Variants in FARSB observed in about 807,000 individuals in gnomAD.
FARSB encodes phenylalanine--tRNA ligase beta subunit.
In FARSB, 40 loss-of-function variants were observed where a neutral mutation model predicts 69.6. The ratio of observed to expected loss-of-function variants is 0.57; its 90% CI spans 0.45 to 0.75. The LOEUF (loss-of-function observed/expected upper bound fraction) is 0.75. Ranked by LOEUF, FARSB falls within the 30% of genes least tolerant of loss-of-function variation. FARSB has a pLI of 0.00. For missense variants in FARSB, 632 were observed against 722.9 expected (o/e 0.87, Z 1.44); for synonymous variants, 235 against 247.2 (o/e 0.95, Z 0.46).
At position 222,571,940 on chromosome 2, in the gene FARSB, G is replaced by T. The variant is rs141929079; in HGVS notation, c.1701C>A (p.Asp567Glu). Residue 567 changes from aspartate (D) to glutamate (E), a missense_variant, in exon 17 of 17, where the codon GAC becomes GAA. By Grantham distance (45) the Asp-to-Glu change is conservative. Transcript: ENST00000281828. The part of the protein sequence containing the change: ...SVGKLGVLHP[D>E]VITKFELTMP... ...TGGTCAGCTCAAATTTGGTGATAAC[G>T]TCAGGATGAAGGACCCCAAGCTTCC... 3.1e-6 allele frequency: 5 copies of T among 1,613,724 alleles called. No individual in the cohort carries two copies. Among genetic ancestry groups the T allele is most frequent in the Non-Finnish European group, 4.2e-6 (5 of 1,179,794 alleles).
chr2:222,648,002 C>G (rs903629006), intron 2 of FARSB, among the ~76,000 whole-genome samples: 1 of 152,156 alleles, frequency 6.6e-6, no homozygotes, highest in African/African-American at 2.4e-5. Context: ...TGCTGCTGGC[C>G]TGCGGACTGT....
intron 15 of FARSB, among the ~76,000 whole-genome samples, chr2:222,609,150 G>A (rs1297586099): frequency 1.3e-5 from 2 of 152,066 alleles, no homozygotes; most frequent in African/African-American, 4.8e-5. Flanking sequence ...ATATACATTG[G>A]CAGCTTCAGT....
intron 3 of FARSB, 130 bp downstream of exon 3, chr2:222,642,721 C>A: frequency 1.7e-6 from 1 of 579,800 alleles, no homozygotes; most frequent in African/African-American, 1.8e-5. Context: ...CAAATCAACC[C>A]TCTATTGAGA....
At chr2:222,583,010 GA>G (rs2106181931) in intron 16 of FARSB, among the ~76,000 whole-genome samples, 1 of 151,974 alleles carries the variant, frequency 6.6e-6, no homozygotes, top group East Asian at 1.9e-4. Flanking sequence ...ACTAACACAG[GA>G]ACAGAAAACC....
At chr2:222,603,048 A>G (rs1690605064) in intron 15 of FARSB, among the ~76,000 whole-genome samples, 1 of 152,176 alleles carries the variant, frequency 6.6e-6, no homozygotes, top group Non-Finnish European at 1.5e-5. Flanking sequence ...AAAAAGAAGT[A>G]CCTAAGTATA....
At chr2:222,615,118 G>A (rs1436646424) in intron 14 of FARSB, among the ~76,000 whole-genome samples, 1 of 152,024 alleles carries the variant, frequency 6.6e-6, no homozygotes, top group Non-Finnish European at 1.5e-5. Flanking sequence ...AAAATTTCCT[G>A]CTTTGTCTGT....
At chr2:222,644,175 T>C (rs1237431574) in intron 2 of FARSB, among the ~76,000 whole-genome samples, 9 of 152,302 alleles carry the variant, frequency 5.9e-5, no homozygotes, top group African/African-American at 1.7e-4. Flanking sequence ...TTAAGAATTA[T>C]ATCCACATTT....
At chr2:222,640,828 T>G in intron 4 of FARSB, 34 bp downstream of exon 4, 1 of 1,201,534 alleles carries the variant, frequency 8.3e-7, no homozygotes, top group East Asian at 2.4e-5. Context: ...AAAAGAAAAT[T>G]TTTAAAAGAA....
chr2:222,590,481 T>A (rs978171736), intron 16 of FARSB, among the ~76,000 whole-genome samples: 1 of 149,538 alleles, frequency 6.7e-6, no homozygotes, highest in African/African-American at 2.5e-5. Flanking sequence ...AACCTGCACA[T>A]TGTGCATATG....
Position 222,633,303 on chromosome 2 carries a change from T to A in FARSB, c.611A>T (p.Asp204Val), listed in dbSNP as rs1691486499. 2.0e-6 allele frequency: 3 copies of A among 1,470,890 alleles called. No homozygotes were observed. Among genetic ancestry groups the A allele is most frequent in the African/African-American group, 2.8e-5 (2 of 70,442 alleles). The allele number at this position is 1,470,890 out of a possible 1,614,324, so 91.1% of individuals were successfully genotyped here. Residue 204 changes from aspartate to valine, a missense_variant, in exon 7 of 17, where the codon GAC (aspartate) becomes GTC (valine). Coordinates refer to ENST00000281828, the MANE Select transcript of FARSB (RefSeq NM_005687.5). ...ATGTAAATAATGTTTCAGGTGATTG[T>A]CAGTCTGAAAACAAATTAAGTCAAA... ...ACELMNIYKTDNHLKHYLHII... is the reference protein window; with the variant it reads ...ACELMNIYKTVNHLKHYLHII...
intron 16 of FARSB, among the ~76,000 whole-genome samples, chr2:222,578,336 C>T (rs549984520): frequency 6.6e-6 from 1 of 152,064 alleles, no homozygotes; most frequent in African/African-American, 2.4e-5. Flanking sequence ...TCCACAAGTA[C>T]AGTGAAATAA....
chr2:222,630,122 T>G lies in FARSB; in HGVS notation c.839A>C (p.Asn280Thr). ...TGCTGGATGAACTTACGTAAATTGATTCTCACAATATTCACTGAACATGGT... is the reference window on the plus strand; with the variant it reads ...TGCTGGATGAACTTACGTAAATTGAGTCTCACAATATTCACTGAACATGGT... ...IVTMFSEYCE[N>T]QFTVEAAEVV... The change falls in exon 9 of 17, where the codon AAT (asparagine) becomes ACT (threonine). Residue 280 changes from asparagine to threonine, a missense_variant. Physicochemically the swap from Asn to Thr is moderately conservative, Grantham distance 65. Coordinates refer to ENST00000281828, the MANE Select transcript of FARSB (RefSeq NM_005687.5). The G allele has an allele frequency of 1.3e-6, 2 of 1,557,718 alleles. No homozygotes were observed. The highest frequency in any genetic ancestry group is 8.7e-7 in the Non-Finnish European group (1 of 1,151,484).
chr2:222,575,180 C>T (rs1481398957), intron 16 of FARSB, among the ~76,000 whole-genome samples: 3 of 152,268 alleles, frequency 2.0e-5, no homozygotes, highest in East Asian at 1.9e-4. Flanking sequence ...ACAATAACTC[C>T]GGTAGATTAA....
At chr2:222,633,111 A>T in intron 7 of FARSB, 88 bp downstream of exon 7, 1 of 765,072 alleles carries the variant, frequency 1.3e-6, no homozygotes, top group Non-Finnish European at 2.3e-6. Flanking sequence ...TTTGAATTTG[A>T]TTCAGCCAAG....
intron 14 of FARSB, among the ~76,000 whole-genome samples, chr2:222,617,874 C>T (rs1574935270): frequency 6.6e-6 from 1 of 152,110 alleles, no homozygotes; most frequent in African/African-American, 2.4e-5. Flanking sequence ...GAGAGCGAAG[C>T]TCTGTCTCAA....
chr2:222,636,385 CAAAAAAAAAA>C (rs34295305), intron 5 of FARSB, among the ~76,000 whole-genome samples: 5 of 96,708 alleles, frequency 5.2e-5, no homozygotes, highest in Non-Finnish European at 1.0e-4. Flanking sequence ...GACTCTATCT[CAAAAAAAAAA>C]AAAAAAAAAG....
chr2:222,585,965 C>T (rs1690101833), intron 16 of FARSB, among the ~76,000 whole-genome samples: 3 of 152,142 alleles, frequency 2.0e-5, no homozygotes. Context: ...GGAGAACTTC[C>T]CCAACCTAGC....
chr2:222,591,202 C>T lies in FARSB; in HGVS notation c.1618+8726G>A, dbSNP rs572356526. 9.8e-5 allele frequency among the ~76,000 whole-genome samples: 14 copies of T among 142,260 alleles called. No homozygotes were observed. In the South Asian group the frequency reaches 2.9e-3, roughly 30 times the overall value. The allele number at this position is 142,260 out of a possible 152,430, so 93.3% of individuals were successfully genotyped here. A position where few individuals can be genotyped will look rare whatever the true frequency, so the allele number is the denominator to read the frequency against. On this transcript the variant is annotated intron_variant, in intron 16 of 16. Transcript: ENST00000281828. The stretch of plus-strand genomic sequence containing the variant: ...TCCAGCCTTGGTAACAGAGTGAGAC[C>T]CTGTCTCTTAAAAAAAAAAAAAAGG...
At chr2:222,655,507 C>T (rs1202424521) in intron 1 of FARSB, among the ~76,000 whole-genome samples, 1 of 152,198 alleles carries the variant, frequency 6.6e-6, no homozygotes, top group African/African-American at 2.4e-5. Flanking sequence ...GTGGACCTGA[C>T]GTGTCGTGTG....
Sources: gnomAD v4.1 joint callset for allele counts (sites outside exome capture counted in the v4.1 genomes callset) on GRCh38, gnomAD v4.1.1 for gene constraint, MANE v1.5 for transcripts, NCBI Gene and HGNC (gene_info 2026-07-23, HGNC 2026-07-21) for gene names.